The following TUT4 variants were observed in gnomAD, a reference collection of about 807,000 sequenced individuals.
TUT4 encodes the protein terminal uridylyltransferase 4.
Under a neutral mutation model 192.2 loss-of-function variants are expected in TUT4, and 36 were observed. The observed-to-expected ratio is 0.19, with a 90% CI of 0.14 to 0.25. The LOEUF (loss-of-function observed/expected upper bound fraction) is 0.25, where lower values mean the gene tolerates loss of function less well. Among genes scored for constraint, TUT4 ranks in the 10% least tolerant of loss-of-function variants. The pLI, the probability that TUT4 is intolerant of heterozygous loss-of-function variation, is 1.00. For missense variants in TUT4, 1,493 were observed against 1,957.2 expected, an observed-to-expected ratio of 0.76 and a Z score of 4.47; for synonymous variants, 618 against 666.0, an observed-to-expected ratio of 0.93 and a Z score of 1.11.
Position 52,474,889 on chromosome 1 carries a change from G to T in TUT4, c.2670C>A (p.Asn890Lys). 6.2e-7 allele frequency: 1 copy of T among 1,613,738 alleles called. No individual in the cohort carries two copies. Among genetic ancestry groups the T allele is most frequent in the Non-Finnish European group, 8.5e-7 (1 of 1,179,982 alleles). ...EDASDLNDDD[N>K]LPTQELYYVF... The stretch of plus-strand genomic sequence containing the variant: ...CATAATATAATTCCTGGGTGGGGAG[G>T]TTATCATCATCATTAAGGTCAGAAG... The change falls in exon 13 of 30, where the codon AAC (asparagine) becomes AAA (lysine). Residue 890 changes from asparagine to lysine, a missense_variant. By Grantham distance (94) the Asn-to-Lys change is moderately conservative. Around this residue, in one of 7 missense-constraint regions of TUT4, gnomAD observed 245 missense variants for 218.4 expected, o/e 1.12. Transcript: ENST00000257177.
chr1:52,530,499 T>C (rs1021587530), intron 1 of TUT4, among the ~76,000 whole-genome samples: 11 of 152,214 alleles, frequency 7.2e-5, no homozygotes, highest in African/African-American at 2.2e-4. Context: ...AATTACACTC[T>C]TTATTTGTAA....
At chr1:52,450,530 A>C (rs1380430381) in intron 20 of TUT4, among the ~76,000 whole-genome samples, 1 of 152,226 alleles carries the variant, frequency 6.6e-6, no homozygotes. Context: ...AATAGCAATA[A>C]TGCTGCTAAT....
intron 16 of TUT4, among the ~76,000 whole-genome samples, chr1:52,464,090 T>C (rs1383467675): frequency 6.6e-6 from 1 of 152,144 alleles, no homozygotes; most frequent in Non-Finnish European, 1.5e-5. Flanking sequence ...AAAGCCTCAG[T>C]TTCCTCATCT....
intron 1 of TUT4, among the ~76,000 whole-genome samples, chr1:52,537,828 G>T (rs144771551): frequency 6.6e-6 from 1 of 152,100 alleles, no homozygotes; most frequent in Admixed American, 6.6e-5. Context: ...CAGGAAGATC[G>T]CTTGAACCGA....
At chr1:52,551,339 T>A (rs981194246) in intron 1 of TUT4, among the ~76,000 whole-genome samples, 4 of 152,182 alleles carry the variant, frequency 2.6e-5, no homozygotes, top group Non-Finnish European at 5.9e-5. Context: ...AAACTTCATT[T>A]TTCATTTTCC....
intron 24 of TUT4, 150 bp from the exon 25 acceptor site, chr1:52,438,485 A>G (rs554958031): frequency 1.0e-5 from 6 of 596,216 alleles, no homozygotes; most frequent in African/African-American, 1.9e-5. Flanking sequence ...AGATATGAAA[A>G]TAAGATTCAC....
chr1:52,445,089 TA>T (rs1346015100), intron 24 of TUT4, among the ~76,000 whole-genome samples: 2 of 151,584 alleles, frequency 1.3e-5, no homozygotes, highest in African/African-American at 4.8e-5. Flanking sequence ...TATATCCTAT[TA>T]GCTCTGTCCC....
intron 4 of TUT4, among the ~76,000 whole-genome samples, chr1:52,506,092 A>G (rs1675480674): frequency 6.6e-6 from 1 of 152,178 alleles, no homozygotes; most frequent in Admixed American, 6.5e-5. Context: ...TGCTAGGATT[A>G]CAGGCCTGAG....
chr1:52,423,749 T>G lies in TUT4; in HGVS notation c.*186A>C, dbSNP rs1648816485. ...AATAATACAGTCTGTAAAAACAGTCTTAGAATTTAAATAAGCTATCTAAAC... is the reference window on the plus strand; with the variant it reads ...AATAATACAGTCTGTAAAAACAGTCGTAGAATTTAAATAAGCTATCTAAAC... On this transcript the variant is annotated 3_prime_UTR_variant, in exon 30 of 30. Transcript: ENST00000257177. 3 of 1,407,244 alleles carry G rather than the reference T, an allele frequency of 2.1e-6. No homozygotes were observed. The highest frequency in any genetic ancestry group is 2.9e-6 in the Non-Finnish European group (3 of 1,035,838). 87.2% of individuals were successfully genotyped at this position (1,407,244 alleles called of 1,614,324 possible). A position where few individuals can be genotyped will look rare whatever the true frequency, so the allele number is the denominator to read the frequency against.
chr1:52,446,686 T>A lies in TUT4; in HGVS notation c.3436-19A>T. On this transcript the variant is annotated intron_variant, in intron 20 of 29. Transcript: ENST00000257177. ...CAAAGATCTGCATAAAAAAATTAAT[T>A]GTATTATTAGATTTCAAGTGATCCA... 1.3e-6 allele frequency: 2 copies of A among 1,582,420 alleles called. No individual in the cohort carries two copies. The highest frequency in any genetic ancestry group is 1.7e-6 in the Non-Finnish European group (2 of 1,161,814).
At position 52,468,138 on chromosome 1, in the gene TUT4, G is replaced by T; in HGVS notation, c.2965+43C>A. ...AAATAAATGAAACTCAAGACTACAT[G>T]ACTACAGCAAAAACGCAATAAATTT... On this transcript the variant is annotated intron_variant, in intron 15 of 29. Transcript: ENST00000257177. The T allele has an allele frequency of 2.1e-6, 3 of 1,409,140 alleles. No individual in the cohort carries two copies. The South Asian group carries it at 3.6e-5, about 17-fold the overall frequency. The allele number at this position is 1,409,140 out of a possible 1,614,324, so 87.3% of individuals were successfully genotyped here.
At chr1:52,467,909 A>G (rs926947250) in intron 15 of TUT4, among the ~76,000 whole-genome samples, 22 of 152,296 alleles carry the variant, frequency 1.4e-4, no homozygotes, top group African/African-American at 4.3e-4. Flanking sequence ...GAGGCCTATC[A>G]TAACACTCCA....
chr1:52,474,588 C>A (rs2148881011), intron 13 of TUT4, among the ~76,000 whole-genome samples: 1 of 152,152 alleles, frequency 6.6e-6, no homozygotes, highest in East Asian at 1.9e-4. Flanking sequence ...TCAGATGAAT[C>A]CTTTCATATA....
At chr1:52,540,689 G>C (rs1030222848) in intron 1 of TUT4, among the ~76,000 whole-genome samples, 1 of 151,998 alleles carries the variant, frequency 6.6e-6, no homozygotes, top group Non-Finnish European at 1.5e-5. Flanking sequence ...AACACAAATG[G>C]GACTGGTATA....
intron 24 of TUT4, among the ~76,000 whole-genome samples, chr1:52,442,377 A>G (rs1269712075): frequency 1.3e-5 from 2 of 152,214 alleles, no homozygotes; most frequent in Admixed American, 1.3e-4. Context: ...AATTTAGGGA[A>G]ATAAGGCAAA....
intron 27 of TUT4, 167 bp from the exon 28 acceptor site, chr1:52,431,627 G>T: frequency 2.0e-6 from 1 of 491,432 alleles, no homozygotes; most frequent in Non-Finnish European, 3.2e-6. Context: ...TTTCAAGTAG[G>T]TATTGCCTCA....
At chr1:52,450,747 T>A (rs1161800135) in intron 20 of TUT4, among the ~76,000 whole-genome samples, 3 of 152,188 alleles carry the variant, frequency 2.0e-5, no homozygotes, top group African/African-American at 7.2e-5. Flanking sequence ...GGATTCTGAC[T>A]AGTTATTTCT....
In TUT4 at chr1:52,458,906, C is replaced by A. The variant is rs574081784; in HGVS notation, c.3322-457G>T. Among the ~76,000 whole-genome samples, 4 of 152,104 alleles carry A rather than the reference C, an allele frequency of 2.6e-5. No individual in the cohort carries two copies. In the South Asian group the frequency reaches 8.3e-4, roughly 32 times the overall value. The stretch of plus-strand genomic sequence containing the variant: ...TAAGAAGGTTTTTTTAATTGCAGCA[C>A]TATTTTAATAGCAAAAAATCAGAAA... On this transcript the variant is annotated intron_variant, in intron 19 of 29. Transcript: ENST00000257177.
At chr1:52,460,444 T>C (rs1275262695) in intron 19 of TUT4, among the ~76,000 whole-genome samples, 1 of 152,122 alleles carries the variant, frequency 6.6e-6, no homozygotes, top group Non-Finnish European at 1.5e-5. Context: ...ATCCCACCAC[T>C]GCACTCCAGC....
Sources: gnomAD v4.1 joint callset for allele counts (sites outside exome capture counted in the v4.1 genomes callset) on GRCh38, gnomAD v4.1.1 for gene constraint, gnomAD v4.1.1 regional missense constraint, MANE v1.5 for transcripts, NCBI Gene and HGNC (gene_info 2026-07-23, HGNC 2026-07-21) for gene names.